The following SCN2A variants were observed in gnomAD, a reference collection of about 807,000 sequenced individuals.
SCN2A encodes the protein sodium voltage-gated channel alpha subunit 2.
Under a neutral mutation model 188.7 loss-of-function variants are expected in SCN2A, and 20 were observed. The observed-to-expected ratio is 0.11, with a 90% confidence interval of 0.07 to 0.15. The LOEUF is 0.15. Ranked by LOEUF, SCN2A falls within the 10% of genes least tolerant of loss-of-function variation. The pLI is 1.00. For missense variants in SCN2A, 1,278 were observed against 2,445.0 expected (o/e 0.52, Z 10.07); for synonymous variants, 804 against 833.1 (o/e 0.97, Z 0.60).
chr2:165,259,246 G>A (rs752169510), intron 1 of SCN2A, among the ~76,000 whole-genome samples: 8 of 152,162 alleles, frequency 5.3e-5, no homozygotes, highest in Non-Finnish European at 1.0e-4. Flanking sequence ...CTTTATGTGG[G>A]TGGAGGATCT....
At chr2:165,290,225 T>C (rs1033387218) in intron 1 of SCN2A, among the ~76,000 whole-genome samples, 1 of 152,134 alleles carries the variant, frequency 6.6e-6, no homozygotes, top group African/African-American at 2.4e-5. Context: ...TTGGGAACAT[T>C]CAATATCCTC....
At chr2:165,246,353 G>A (rs1296384077) in intron 1 of SCN2A, among the ~76,000 whole-genome samples, 1 of 152,020 alleles carries the variant, frequency 6.6e-6, no homozygotes. Flanking sequence ...TTCCTCCAAT[G>A]ATCATGTTTT....
rs929985411 is a variant in SCN2A at position 165,325,627 on chromosome 2, A to AT, written c.2017-1215dup. 1.3e-4 allele frequency among the ~76,000 whole-genome samples: 19 copies of AT among 149,750 alleles called. No homozygotes were observed. The South Asian group carries it at 1.9e-3, about 15-fold the overall frequency. On this transcript the variant is annotated intron_variant, in intron 12 of 26. Coordinates refer to ENST00000375437, the MANE Select transcript of SCN2A (RefSeq NM_001040142.2). ...GGGACTAGATGATCTTCATGTGACT[A>AT]TTTTTTTTTTCCTTAAAACTTTGCC...
chr2:165,264,469 T>A (rs1574463811), intron 1 of SCN2A, among the ~76,000 whole-genome samples: 1 of 152,210 alleles, frequency 6.6e-6, no homozygotes, highest in African/African-American at 2.4e-5. Context: ...TAAAAAGCCA[T>A]CTATGACAGA....
intron 17 of SCN2A, among the ~76,000 whole-genome samples, chr2:165,359,495 C>T (rs575954617): frequency 6.6e-6 from 1 of 152,076 alleles, no homozygotes; most frequent in South Asian, 2.1e-4. Flanking sequence ...GGAACTGGTT[C>T]GTTTATTTTC....
chr2:165,338,903 C>T (rs1699157200), intron 14 of SCN2A, among the ~76,000 whole-genome samples: 1 of 152,124 alleles, frequency 6.6e-6, no homozygotes, highest in Admixed American at 6.5e-5. Context: ...GTAGCTATCT[C>T]AAGTTGTTAA....
chr2:165,377,741 T>C, intron 23 of SCN2A, 91 bp downstream of exon 23: 1 of 1,050,970 alleles, frequency 9.5e-7, no homozygotes, highest in Non-Finnish European at 1.4e-6. Context: ...AAAATAAAAT[T>C]ATGTGCTTAA....
At position 165,239,547 on chromosome 2, in the gene SCN2A, C is replaced by T; in HGVS notation, c.-145C>T. The T allele has an allele frequency of 1.3e-6, 1 of 783,548 alleles. No individual in the cohort carries two copies. The highest frequency in any genetic ancestry group is 1.5e-6 in the Non-Finnish European group (1 of 646,000). 48.5% of individuals were successfully genotyped at this position (783,548 alleles called of 1,614,324 possible). A position where few individuals can be genotyped will look rare whatever the true frequency, so the allele number is the denominator to read the frequency against. Reference sequence around the variant, plus strand: ...AGCACATGTGAGATTTTACTTTCTACTCCAGTAAAAATTCTGAAGAATTGC... The same window carrying T: ...AGCACATGTGAGATTTTACTTTCTATTCCAGTAAAAATTCTGAAGAATTGC... On this transcript the variant is annotated 5_prime_UTR_variant, in exon 1 of 27. Transcript: ENST00000375437.
At chr2:165,337,538 C>T (rs1447128992) in intron 14 of SCN2A, among the ~76,000 whole-genome samples, 1 of 152,048 alleles carries the variant, frequency 6.6e-6, no homozygotes, top group Non-Finnish European at 1.5e-5. Context: ...ACATCTTAGT[C>T]ATGCTGCTGA....
intron 4 of SCN2A, 33 bp downstream of exon 4, chr2:165,307,970 C>T (rs772782592): frequency 2.9e-6 from 4 of 1,387,096 alleles, no homozygotes; most frequent in African/African-American, 1.4e-5. Context: ...ATTGACCTCC[C>T]TTTATGTTTC....
chr2:165,302,568 G>A (rs1426934903), intron 3 of SCN2A, among the ~76,000 whole-genome samples: 10 of 152,088 alleles, frequency 6.6e-5, no homozygotes, highest in Non-Finnish European at 1.5e-4. Flanking sequence ...CTATAAATGA[G>A]TTATTAATGG....
intron 1 of SCN2A, chr2:165,269,426 T>G (rs189257050): frequency 6.6e-6 from 1 of 152,052 alleles, no homozygotes; most frequent in Non-Finnish European, 1.5e-5. Context: ...CAGGTTGCCA[T>G]AGTCCAAATT....
At chr2:165,287,918 A>C (rs1157296527) in intron 1 of SCN2A, among the ~76,000 whole-genome samples, 1 of 152,200 alleles carries the variant, frequency 6.6e-6, no homozygotes, top group East Asian at 1.9e-4. Flanking sequence ...TCAGTACACT[A>C]ATCTCTTAAG....
chr2:165,342,602 A>T, intron 15 of SCN2A, 133 bp downstream of exon 15: 1 of 904,974 alleles, frequency 1.1e-6, no homozygotes, highest in Non-Finnish European at 1.8e-6. Flanking sequence ...TTGGATTGCC[A>T]TACCACCAAA....
At chr2:165,325,826 T>C (rs1441075560) in intron 12 of SCN2A, among the ~76,000 whole-genome samples, 2 of 152,172 alleles carry the variant, frequency 1.3e-5, no homozygotes, top group Admixed American at 6.5e-5. Context: ...GACAATCATA[T>C]GCAATGAGTG....
Position 165,310,501 on chromosome 2 carries a change from C to A in SCN2A, c.876C>A (p.Ile292=), listed in dbSNP as rs1441780812. The part of the protein sequence containing the change: ...PPDNSSFEIN[I]TSFFNNSLDG... ...ATAATTCTTCCTTTGAAATAAATAT[C>A]ACTTCCTTCTTTAACAATTCATTGG... The change falls in exon 7 of 27, where the codon ATC becomes ATA. Residue 292 remains isoleucine (I), a synonymous_variant. Coordinates refer to ENST00000375437, the MANE Select transcript of SCN2A (RefSeq NM_001040142.2). The A allele has an allele frequency of 1.9e-6, 3 of 1,613,270 alleles. No individual in the cohort carries two copies. In the Admixed American group the frequency reaches 5.0e-5, roughly 27 times the overall value.
At position 165,328,557 on chromosome 2, in the gene SCN2A, T is replaced by C. The variant is rs569875819; in HGVS notation, c.2149+1573T>C. On this transcript the variant is annotated intron_variant, in intron 13 of 26. Coordinates refer to ENST00000375437, the MANE Select transcript of SCN2A (RefSeq NM_001040142.2). The stretch of plus-strand genomic sequence containing the variant: ...AGACAGGGTAAGTCTAAATCAACAG[T>C]CATGCTTTGCACTTCTGATAGCATT... 7.6e-5 allele frequency: 73 copies of C among 962,100 alleles called. No individual in the cohort carries two copies. In the African/African-American group the frequency reaches 1.2e-3, roughly 16 times the overall value. The allele number at this position is 962,100 out of a possible 1,614,324, so 59.6% of individuals were successfully genotyped here. A position where few individuals can be genotyped will look rare whatever the true frequency, so the allele number is the denominator to read the frequency against.
intron 10 of SCN2A, among the ~76,000 whole-genome samples, 178 bp downstream of exon 10, chr2:165,314,286 G>T (rs935695917): frequency 6.6e-6 from 1 of 152,110 alleles, no homozygotes; most frequent in Non-Finnish European, 1.5e-5. Context: ...TCTGTCAATA[G>T]TGTCAATAGT....
At chr2:165,265,468 G>GAT (rs1436110486) in intron 1 of SCN2A, among the ~76,000 whole-genome samples, 348 of 19,758 alleles carry the variant, frequency 0.018, 9 homozygotes, top group African/African-American at 0.031. Context: ...TTACTCTGTT[G>GAT]ATCTATATAT....
Sources: gnomAD v4.1 joint callset for allele counts (sites outside exome capture counted in the v4.1 genomes callset) on GRCh38, gnomAD v4.1.1 for gene constraint, MANE v1.5 for transcripts, NCBI Gene and HGNC (gene_info 2026-07-23, HGNC 2026-07-21) for gene names.